The following SCO1 variants were observed in gnomAD, a reference collection of about 807,000 sequenced individuals.
The protein encoded by SCO1 is cytochrome c oxidase assembly factor SCO1.
In SCO1, 23 loss-of-function variants were observed where a neutral mutation model predicts 34.0. The ratio of observed to expected loss-of-function variants is 0.68; its 90% CI spans 0.49 to 0.96. The LOEUF is 0.96. Among genes scored for constraint, SCO1 ranks in the 40% least tolerant of loss-of-function variants. SCO1 has a pLI of 0.00. For missense variants in SCO1, 404 were observed against 381.6 expected (o/e 1.06, Z -0.49); for synonymous variants, 161 against 145.5 (o/e 1.11, Z -0.77).
chr17:10,685,278 G>A (rs2074648742), intron 5 of SCO1, among the ~76,000 whole-genome samples: 1 of 152,112 alleles, frequency 6.6e-6, no homozygotes, highest in South Asian at 2.1e-4. Flanking sequence ...AGGCTCTTAG[G>A]ATTACTCTGC....
intron 2 of SCO1, among the ~76,000 whole-genome samples, chr17:10,693,881 T>G (rs1315819788): frequency 2.0e-5 from 3 of 152,156 alleles, no homozygotes; most frequent in Non-Finnish European, 4.4e-5. Context: ...AATATGGATT[T>G]AAACTGAATG....
intron 2 of SCO1, among the ~76,000 whole-genome samples, chr17:10,694,264 G>C (rs187380230): frequency 1.3e-5 from 2 of 152,348 alleles, no homozygotes; most frequent in Non-Finnish European, 2.9e-5. Flanking sequence ...AAGGTTGTGG[G>C]AGTCAGTTAA....
At position 10,697,525 on chromosome 17, in the gene SCO1, T is replaced by C. The variant is rs1448290742; in HGVS notation, c.-18A>G. 1 of 1,612,708 alleles carries C rather than the reference T, an allele frequency of 6.2e-7. No homozygotes were observed. The highest frequency in any genetic ancestry group is 1.3e-5 in the African/African-American group (1 of 74,962). On this transcript the variant is annotated 5_prime_UTR_variant, in exon 1 of 6. Transcript: ENST00000255390. ...ATCGCCATGAGCCTCGGAGACCGGG[T>C]CTCCTTTGACCCTCCCCGCGATTTC... is the stretch of plus-strand genomic sequence containing the variant.
chr17:10,693,524 T>A (rs1373510189), intron 2 of SCO1, among the ~76,000 whole-genome samples: 2 of 152,206 alleles, frequency 1.3e-5, no homozygotes, highest in Non-Finnish European at 2.9e-5. Flanking sequence ...CAGGTACTAG[T>A]GTGAACTTCT....
At chr17:10,695,949 A>G (rs1205976429) in intron 1 of SCO1, 118 bp from the exon 2 acceptor site, 10 of 766,890 alleles carry the variant, frequency 1.3e-5, no homozygotes, top group Admixed American at 2.0e-5. Context: ...TTAAATGTGC[A>G]AAATGTTTCA....
intron 5 of SCO1, 141 bp from the exon 6 acceptor site, chr17:10,681,394 T>A: frequency 1.1e-6 from 1 of 932,962 alleles, no homozygotes; most frequent in Non-Finnish European, 1.7e-6. Flanking sequence ...GGAATAGGCT[T>A]AAGTCTATCA....
At chr17:10,691,047 A>C (rs1194141760) in intron 4 of SCO1, among the ~76,000 whole-genome samples, 1 of 152,206 alleles carries the variant, frequency 6.6e-6, no homozygotes, top group East Asian at 1.9e-4. Context: ...GTTGGGGAGG[A>C]TAGGGACTCT....
chr17:10,697,235 C>A lies in SCO1; in HGVS notation c.273G>T (p.Gly91=). The A allele has an allele frequency of 3.2e-6, 5 of 1,552,100 alleles. No homozygotes were observed. The highest frequency in any genetic ancestry group is 1.4e-5 in the African/African-American group (1 of 73,718). The change falls in exon 1 of 6, where the codon GGG becomes GGT. Residue 91 remains glycine (G), a splice_region_variant and synonymous_variant. Transcript: ENST00000255390. ...AGAAGGGTTCCAGGTGTGCACTCAC[C>A]CCGGGCTTCGAGGGGCGCGTGGAGT... ...PGDSTRPSKP[G]PVSWKSLAIT...
chr17:10,686,937 T>C, intron 4 of SCO1, 95 bp from the exon 5 acceptor site: 1 of 783,684 alleles, frequency 1.3e-6, no homozygotes, highest in Non-Finnish European at 2.3e-6. Flanking sequence ...GCAGCTCTAC[T>C]GCCACTTTCT....
chr17:10,696,201 T>C (rs1310257577), intron 1 of SCO1, among the ~76,000 whole-genome samples: 3 of 151,482 alleles, frequency 2.0e-5, no homozygotes, highest in Non-Finnish European at 2.9e-5. Context: ...TCCCAGCACT[T>C]TGGGAGGCGG....
intron 1 of SCO1, among the ~76,000 whole-genome samples, chr17:10,696,071 TAAAAAAAAAAAAAA>T (rs869243005): frequency 8.2e-5 from 6 of 72,996 alleles, no homozygotes; most frequent in African/African-American, 1.1e-4. Context: ...TTCATGTAAA[TAAAAAAAAAAAAAA>T]AAAAAAAAAA....
intron 5 of SCO1, 24 bp downstream of exon 5, chr17:10,686,703 G>T: frequency 6.9e-7 from 1 of 1,446,472 alleles, no homozygotes; most frequent in Non-Finnish European, 9.7e-7. Flanking sequence ...TGGTCCATGG[G>T]TTAAAACTGG....
At chr17:10,688,156 A>C (rs374879921) in intron 4 of SCO1, among the ~76,000 whole-genome samples, 7 of 152,242 alleles carry the variant, frequency 4.6e-5, no homozygotes, top group African/African-American at 1.7e-4. Context: ...CAAACTGATA[A>C]ATTTGGACTT....
chr17:10,690,936 A>G (rs1323150094), intron 4 of SCO1, among the ~76,000 whole-genome samples: 1 of 152,228 alleles, frequency 6.6e-6, no homozygotes, highest in Non-Finnish European at 1.5e-5. Context: ...GAAAAAAGTC[A>G]GGCACAGAAA....
chr17:10,697,257 G>T lies in SCO1; in HGVS notation c.251C>A (p.Ser84Tyr). ...CACCCCGGGCTTCGAGGGGCGCGTGGAGTCTCCGGGGCCCTTCTGCGACCA... is the reference window on the plus strand; with the variant it reads ...CACCCCGGGCTTCGAGGGGCGCGTGTAGTCTCCGGGGCCCTTCTGCGACCA... ...PPWSQKGPGD[S>Y]TRPSKPGPVS... is the part of the protein sequence containing the mutation. Residue 84 changes from serine (S) to tyrosine (Y), a missense_variant, in exon 1 of 6, where the codon TCC (serine) becomes TAC (tyrosine). Physicochemically the swap from Ser to Tyr is moderately radical, Grantham distance 144. Transcript: ENST00000255390. The T allele has an allele frequency of 6.4e-7, 1 of 1,562,378 alleles. No homozygotes were observed. Among genetic ancestry groups the T allele is most frequent in the East Asian group, 2.3e-5 (1 of 42,666 alleles).
At chr17:10,682,135 T>C (rs888382654) in intron 5 of SCO1, among the ~76,000 whole-genome samples, 4 of 152,326 alleles carry the variant, frequency 2.6e-5, no homozygotes, top group Admixed American at 2.0e-4. Context: ...AATCCAATTT[T>C]AAGTGAGATT....
At chr17:10,688,854 C>A (rs550604575) in intron 4 of SCO1, among the ~76,000 whole-genome samples, 1 of 140,994 alleles carries the variant, frequency 7.1e-6, no homozygotes, top group Non-Finnish European at 1.5e-5. Context: ...CGGTGGCTCA[C>A]GCCTGTAATC....
intron 5 of SCO1, among the ~76,000 whole-genome samples, chr17:10,684,400 G>C (rs1253092076): frequency 1.3e-5 from 2 of 152,134 alleles, no homozygotes; most frequent in African/African-American, 2.4e-5. Flanking sequence ...CACGATTAAA[G>C]GTTTCAAAGT....
At chr17:10,689,052 C>A (rs1213983818) in intron 4 of SCO1, among the ~76,000 whole-genome samples, 3 of 126,234 alleles carry the variant, frequency 2.4e-5, no homozygotes, top group Non-Finnish European at 4.6e-5. Flanking sequence ...GGAGGCGGAG[C>A]TTGCAGTGAG....
Sources: gnomAD v4.1 joint callset for allele counts (sites outside exome capture counted in the v4.1 genomes callset) on GRCh38, gnomAD v4.1.1 for gene constraint, MANE v1.5 for transcripts, NCBI Gene and HGNC (gene_info 2026-07-23, HGNC 2026-07-21) for gene names.